Variants in ADGRD1 observed in about 807,000 individuals in gnomAD.
ADGRD1 encodes G-protein coupled receptor 133.
In ADGRD1, 77 loss-of-function variants were observed where a neutral mutation model predicts 113.4. The observed-to-expected ratio is 0.68, with a 90% CI of 0.57 to 0.82. The LOEUF is 0.82. ADGRD1 is among the 40% of genes least tolerant of loss of function. The pLI is 0.00. For synonymous variants in ADGRD1, 474 were observed against 475.0 expected (o/e 1.00, Z 0.03); for missense variants, 1,036 against 1,139.1 (o/e 0.91, Z 1.30).
At chr12:131,030,763 T>G (rs1880626272) in intron 13 of ADGRD1, 1 of 152,238 alleles carries the variant, frequency 6.6e-6, no homozygotes, top group Non-Finnish European at 1.5e-5. Flanking sequence ...CACCTCAATG[T>G]GGCACACTGA....
intron 18 of ADGRD1, among the ~76,000 whole-genome samples, chr12:131,114,054 G>A (rs1014663451): frequency 9.2e-5 from 14 of 152,312 alleles, no homozygotes; most frequent in South Asian, 8.3e-4. Context: ...CTGGGTGAAC[G>A]AAAAGTGTCT....
intron 2 of ADGRD1, chr12:130,963,134 C>A (rs933560477): frequency 6.6e-6 from 1 of 152,054 alleles, no homozygotes; most frequent in Admixed American, 6.6e-5. Flanking sequence ...TGCTGGCTAA[C>A]ACAGTGAAAC....
Position 130,954,413 on chromosome 12 carries a change from C to A in ADGRD1, c.-53C>A. On this transcript the variant is annotated 5_prime_UTR_variant, in exon 1 of 25. Coordinates refer to ENST00000261654, the MANE Select transcript of ADGRD1 (RefSeq NM_198827.5). This position sits in a 1 kb window ranked among gnomAD's most constrained non-coding sequence, Gnocchi z 4.7. The stretch of plus-strand genomic sequence containing the variant: ...AGTGAAGGTTAAGAGGTCCCGTTCT[C>A]ACAGACCCTCAGGAATTTCACTTGG... 6.8e-7 allele frequency: 1 copy of A among 1,468,816 alleles called. No homozygotes were observed. Among genetic ancestry groups the A allele is most frequent in the Non-Finnish European group, 9.2e-7 (1 of 1,091,156 alleles). The allele number at this position is 1,468,816 out of a possible 1,614,324, so 91.0% of individuals were successfully genotyped here.
chr12:131,108,575 G>T (rs1345970573), intron 17 of ADGRD1, 149 bp from the exon 18 acceptor site: 1 of 1,100,678 alleles, frequency 9.1e-7, no homozygotes. Context: ...AAATCCCTGG[G>T]CTTGAGCAAC....
chr12:131,130,973 ACT>A (rs934422931), intron 20 of ADGRD1, among the ~76,000 whole-genome samples: 8 of 152,094 alleles, frequency 5.3e-5, no homozygotes, highest in African/African-American at 1.9e-4. Context: ...CTCCTTGCTG[ACT>A]CTGTACACGG....
At chr12:131,062,032 G>A (rs1884370479) in intron 13 of ADGRD1, among the ~76,000 whole-genome samples, 1 of 152,036 alleles carries the variant, frequency 6.6e-6, no homozygotes, top group Non-Finnish European at 1.5e-5. Flanking sequence ...TTTGTTTTTT[G>A]TTTTTTTTTT....
chr12:131,036,789 C>T lies in ADGRD1; in HGVS notation c.1473+22449C>T, dbSNP rs1454569905. On this transcript the variant is annotated intron_variant, in intron 13 of 24. Transcript: ENST00000261654. Reference sequence around the variant, plus strand: ...CACTCACTGCACCGGGCCTCACTCACGGCACTGGGTCTCACTCACTGCCCC... The same window carrying T: ...CACTCACTGCACCGGGCCTCACTCATGGCACTGGGTCTCACTCACTGCCCC... Among the ~76,000 whole-genome samples, 8 of 142,956 alleles carry T rather than the reference C, an allele frequency of 5.6e-5. No homozygotes were observed. The East Asian group carries it at 1.5e-3, about 27-fold the overall frequency. The allele number at this position is 142,956 out of a possible 152,430, so 93.8% of individuals were successfully genotyped here.
At chr12:131,138,936 G>A (rs776194913) in intron 24 of ADGRD1, among the ~76,000 whole-genome samples, 17 of 152,146 alleles carry the variant, frequency 1.1e-4, no homozygotes, top group Non-Finnish European at 2.4e-4. Flanking sequence ...AGCACAGCAC[G>A]CCTGCAGTGC....
intron 6 of ADGRD1, chr12:130,987,907 A>C (rs1218691834): frequency 6.2e-6 from 1 of 160,794 alleles, no homozygotes; most frequent in African/African-American, 2.4e-5. Flanking sequence ...CACTTGGCAC[A>C]TTCACGGTGT....
intron 12 of ADGRD1, among the ~76,000 whole-genome samples, chr12:131,007,273 G>A (rs527295291): frequency 1.6e-4 from 24 of 152,354 alleles, no homozygotes; most frequent in Non-Finnish European, 2.6e-4. Flanking sequence ...AAATCGGCTT[G>A]GCTTTCCAGA....
intron 18 of ADGRD1, among the ~76,000 whole-genome samples, chr12:131,115,250 G>A (rs1304166559): frequency 2.6e-5 from 4 of 152,184 alleles, no homozygotes; most frequent in Admixed American, 6.5e-5. Context: ...AGAAGGCACC[G>A]CCTCGAGCTA....
At position 131,131,835 on chromosome 12, in the gene ADGRD1, GC is replaced by G; in HGVS notation, c.2267+21del. On this transcript the variant is annotated intron_variant, in intron 21 of 24. Transcript: ENST00000261654. ...CCTTCAAGTAAGTTGACCTCAGGCT[GC>G]CAGCAGTGCCACGGCCCTTCTGCCC... 1.4e-6 allele frequency: 2 copies of G among 1,480,618 alleles called. No individual in the cohort carries two copies. The highest frequency in any genetic ancestry group is 1.9e-6 in the Non-Finnish European group (2 of 1,058,062). 91.7% of individuals were successfully genotyped at this position (1,480,618 alleles called of 1,614,324 possible).
Position 130,954,765 on chromosome 12 carries a change from C to A in ADGRD1, c.103+105C>A. ...ATCTCTGAGGCATCAGCGAATGGCC[C>A]TTGTTGGGCTCCTGGTCCCCGACCT... On this transcript the variant is annotated intron_variant, in intron 2 of 24. Transcript: ENST00000261654. This position sits in a 1 kb window ranked among gnomAD's most constrained non-coding sequence, Gnocchi z 4.7. The A allele has an allele frequency of 9.1e-7, 1 of 1,094,604 alleles. No individual in the cohort carries two copies. The highest frequency in any genetic ancestry group is 2.4e-5 in the East Asian group (1 of 41,614). The allele number at this position is 1,094,604 out of a possible 1,614,324, so 67.8% of individuals were successfully genotyped here.
At chr12:131,031,377 G>A (rs1263055125) in intron 13 of ADGRD1, among the ~76,000 whole-genome samples, 1 of 152,166 alleles carries the variant, frequency 6.6e-6, no homozygotes, top group Non-Finnish European at 1.5e-5. Context: ...AGGAGAATTC[G>A]GGGAGACTGT....
At chr12:131,037,181 A>C (rs1346441268) in intron 13 of ADGRD1, among the ~76,000 whole-genome samples, 3 of 138,878 alleles carry the variant, frequency 2.2e-5, no homozygotes, top group Non-Finnish European at 3.0e-5. Flanking sequence ...CCCAGGCCTT[A>C]CTGCATGGGG....
At position 131,006,072 on chromosome 12, in the gene ADGRD1, A is replaced by G. The variant is rs142833682; in HGVS notation, c.1331+25A>G. The G allele has an allele frequency of 1.5e-3, 2,336 of 1,602,742 alleles. 4 individuals carry two copies. Among genetic ancestry groups the G allele is most frequent in the Non-Finnish European group, 1.9e-3 (2,204 of 1,171,240 alleles). ...AGTGAGTCTCGGGGGTGCTCAGCTCAGGGGCGTGGGTGTGCGTGGGTTTGC... is the reference window on the plus strand; with the variant it reads ...AGTGAGTCTCGGGGGTGCTCAGCTCGGGGGCGTGGGTGTGCGTGGGTTTGC... On this transcript the variant is annotated intron_variant, in intron 12 of 24. Transcript: ENST00000261654.
rs1403156907 is a variant in ADGRD1, at chr12:131,096,899, G to C, written c.1672-7932G>C. Reference sequence around the variant, plus strand: ...CTCCCACGGCCGACCACTGTGCTGAGTTGCAGGTCTGTCACTTGGGGCAGG... The same window carrying C: ...CTCCCACGGCCGACCACTGTGCTGACTTGCAGGTCTGTCACTTGGGGCAGG... On this transcript the variant is annotated intron_variant, in intron 15 of 24. Transcript: ENST00000261654. The surrounding 1 kb of genome is among the most constrained non-coding windows in gnomAD (Gnocchi z 5.2). Among the ~76,000 whole-genome samples the C allele has an allele frequency of 2.0e-5, 3 of 152,238 alleles. No individual in the cohort carries two copies. The highest frequency in any genetic ancestry group is 4.4e-5 in the Non-Finnish European group (3 of 68,052).
At chr12:131,123,548 G>A (rs925744972) in intron 20 of ADGRD1, among the ~76,000 whole-genome samples, 18 of 151,850 alleles carry the variant, frequency 1.2e-4, no homozygotes, top group Admixed American at 7.2e-4. Context: ...CAGGCTGGGC[G>A]CGGTGGCTCA....
intron 13 of ADGRD1, among the ~76,000 whole-genome samples, chr12:131,055,786 T>C (rs578109003): frequency 6.6e-6 from 1 of 152,232 alleles, no homozygotes; most frequent in Admixed American, 6.5e-5. Flanking sequence ...ACAGAGCATA[T>C]CTCTCCTTAG....
Sources: allele counts gnomAD v4.1 joint callset (sites outside exome capture counted in the v4.1 genomes callset), GRCh38; gene constraint gnomAD v4.1.1; non-coding constraint Gnocchi (gnomAD v3.1); transcripts MANE v1.5; gene names NCBI Gene and HGNC (gene_info 2026-07-23, HGNC 2026-07-21).